RP1: variants seen among roughly 807,000 people sequenced by gnomAD.
RP1 encodes the protein oxygen-regulated protein 1.
In RP1, 16 loss-of-function variants were observed where a neutral mutation model predicts 14.8. The observed-to-expected ratio is 1.08, with a 90% CI of 0.73 to 1.65. The LOEUF is 1.65. Ranked by LOEUF, RP1 falls within the 40% of genes most tolerant of loss-of-function variation. The pLI, the probability that RP1 is intolerant of heterozygous loss-of-function variation, is 0.00. For synonymous variants in RP1, 876 were observed against 883.6 expected (o/e 0.99, Z 0.15); for missense variants, 2,631 against 2,535.0 (o/e 1.04, Z -0.81).
At chr8:54,870,718 G>A (rs1334824993) in exon 29 of RP1, 5 of 152,098 alleles carry the variant, frequency 3.3e-5, no homozygotes, top group African/African-American at 7.2e-5. Context: ...TGCCAGCCCC[G>A]GAGAGGTCAG....
At chr8:54,615,404 T>A (rs1392337007), upstream of RP1, among the ~76,000 whole-genome samples, 1 of 152,162 alleles carries the variant, frequency 6.6e-6, no homozygotes, top group Non-Finnish European at 1.5e-5. Context: ...GGAAACCCGA[T>A]TAGGTGAAGC....
intron 25 of RP1, among the ~76,000 whole-genome samples, chr8:54,850,722 GA>G (rs1232974095): frequency 6.6e-6 from 1 of 152,128 alleles, no homozygotes; most frequent in South Asian, 2.1e-4. Flanking sequence ...TAAAGATCAA[GA>G]AAAAAAGTCT....
In RP1 at chr8:54,627,551, C is replaced by A. The variant is rs1337293997; in HGVS notation, c.3669C>A (p.Cys1223Ter). The change falls in exon 4 of 4, where the codon TGC (cysteine) becomes TGA (stop). Residue 1223 changes from cysteine (C) to a stop codon, truncating the protein, a stop_gained. Coordinates refer to ENST00000220676, the MANE Select transcript of RP1 (RefSeq NM_006269.2). LOFTEE classifies it low-confidence loss of function (END_TRUNC). ...TCAACATTCAGAGTGTTCCTAAGTG[C>A]AGTGAAAATGAAAGAACACAAGGAA... ...STVNIQSVPK[C>*]SENERTQGIS... is the part of the protein sequence containing the mutation. 5 of 1,614,126 alleles carry A rather than the reference C, an allele frequency of 3.1e-6. No homozygotes were observed. In the East Asian group the frequency reaches 1.1e-4, roughly 36 times the overall value.
chr8:54,783,649 C>T (rs1810244658), exon 24 of RP1: 2 of 1,231,480 alleles, frequency 1.6e-6, no homozygotes, highest in Non-Finnish European at 2.0e-6. Context: ...TGTTCAGGTC[C>T]TATTATTTTG....
rs760561079 is a variant in RP1, at chr8:54,622,163, C to T, written c.662C>T (p.Ala221Val). 24 of 1,613,956 alleles carry T rather than the reference C, an allele frequency of 1.5e-5. No homozygotes were observed. The highest frequency in any genetic ancestry group is 1.4e-5 in the Non-Finnish European group (17 of 1,180,024). ...ATCCTGAGCTCTGGAGCTGTGGTGG[C>T]GGCAGGAAGGGAGCCATTTAAACCA... ...AVILSSGAVV[A>V]AGREPFKPGN... Residue 221 changes from alanine to valine, a missense_variant, in exon 3 of 4, where the codon GCG becomes GTG. Ala to Val is a moderately conservative substitution (Grantham distance 64). Transcript: ENST00000220676.
rs971459433 is a variant in RP1, at chr8:54,625,448, C to G, written c.1566C>G (p.Asn522Lys). 14 of 1,613,748 alleles carry G rather than the reference C, an allele frequency of 8.7e-6. No individual in the cohort carries two copies. In the East Asian group the frequency reaches 2.9e-4, roughly 33 times the overall value. The change falls in exon 4 of 4, where the codon AAC becomes AAG. Residue 522 changes from asparagine (N) to lysine (K), a missense_variant. Transcript: ENST00000220676. ...SNKPVLVQIN[N>K]NDQMEESSLE... ...AACCAGTACTTGTTCAGATCAATAA[C>G]AATGATCAAATGGAGGAGTCATCAT...
Position 54,627,430 on chromosome 8 carries a change from T to C in RP1, c.3548T>C (p.Val1183Ala), listed in dbSNP as rs1333490046. The change falls in exon 4 of 4, where the codon GTT (valine) becomes GCT (alanine). Residue 1183 changes from valine to alanine, a missense_variant. Coordinates refer to ENST00000220676, the MANE Select transcript of RP1 (RefSeq NM_006269.2). ...TEEADDLKAA[V>A]ANLVESTTSH... ...GAAGCTGATGACTTGAAAGCTGCTG[T>C]TGCCAATTTAGTGGAGTCAACTACA... is the stretch of plus-strand genomic sequence containing the variant. The C allele has an allele frequency of 6.2e-7, 1 of 1,614,220 alleles. No homozygotes were observed. The highest frequency in any genetic ancestry group is 8.5e-7 in the Non-Finnish European group (1 of 1,180,002).
At chr8:54,679,216 G>T (rs1253497482) in intron 9 of RP1, among the ~76,000 whole-genome samples, 1 of 152,150 alleles carries the variant, frequency 6.6e-6, no homozygotes, top group South Asian at 2.1e-4. Flanking sequence ...TTACCAGATA[G>T]TAACTGCTGC....
intron 24 of RP1, among the ~76,000 whole-genome samples, chr8:54,831,419 T>TA (rs59211360): frequency 2.0e-5 from 3 of 149,310 alleles, no homozygotes; most frequent in Admixed American, 2.0e-4. Flanking sequence ...TTTTTTTTTT[T>TA]AACATTCAAT....
intron 28 of RP1, among the ~76,000 whole-genome samples, chr8:54,867,193 A>T (rs2129330389): frequency 6.6e-6 from 1 of 152,216 alleles, no homozygotes; most frequent in South Asian, 2.1e-4. Context: ...GACTGACTGG[A>T]TTTTACCTTA....
At position 54,630,284 on chromosome 8, in the gene RP1, C is replaced by A. The variant is rs755082655; in HGVS notation, c.6402C>A (p.Phe2134Leu). The A allele has an allele frequency of 1.2e-6, 2 of 1,613,464 alleles. No homozygotes were observed. The highest frequency in any genetic ancestry group is 1.7e-5 in the Admixed American group (1 of 59,992). The change falls in exon 4 of 4, where the codon TTC becomes TTA. Residue 2134 changes from phenylalanine (F) to leucine (L), a missense_variant. Coordinates refer to ENST00000220676, the MANE Select transcript of RP1 (RefSeq NM_006269.2). Reference sequence around the variant, plus strand: ...GTATGTTTGAGGGTGAAAATCTTTTCATTTGGGAAGAGGAAGACATATTAA... The same window carrying A: ...GTATGTTTGAGGGTGAAAATCTTTTAATTTGGGAAGAGGAAGACATATTAA... ...ELCMFEGENL[F>L]IWEEEDILNL...
chr8:54,630,419 G>A lies in RP1; in HGVS notation c.*66G>A, dbSNP rs1806222241. 6 of 1,596,006 alleles carry A rather than the reference G, an allele frequency of 3.8e-6. No homozygotes were observed. Among genetic ancestry groups the A allele is most frequent in the African/African-American group, 1.3e-5 (1 of 74,688 alleles). On this transcript the variant is annotated 3_prime_UTR_variant, in exon 4 of 4. Coordinates refer to ENST00000220676, the MANE Select transcript of RP1 (RefSeq NM_006269.2). ...TCCCATGAGATGAAGCACATGTGAC[G>A]AATACGGACTAGATAACCTCTAAGA...
At chr8:54,851,052 T>TGC in intron 25 of RP1, among the ~76,000 whole-genome samples, 1 of 150,242 alleles carries the variant, frequency 6.7e-6, no homozygotes, top group East Asian at 1.9e-4. Flanking sequence ...TACACGTACG[T>TGC]GTGTGTGTGT....
intron 24 of RP1, among the ~76,000 whole-genome samples, chr8:54,817,619 C>A (rs2129395580): frequency 6.6e-6 from 1 of 152,200 alleles, no homozygotes; most frequent in South Asian, 2.1e-4. Context: ...ATATTTATTT[C>A]TATGAGCAAA....
intron 17 of RP1, among the ~76,000 whole-genome samples, chr8:54,733,408 G>A (rs963504076): frequency 2.0e-5 from 3 of 152,092 alleles, no homozygotes; most frequent in African/African-American, 4.8e-5. Context: ...TACTGACAGA[G>A]ATTACTCAGC....
At chr8:54,662,637 C>T (rs935197775) in intron 6 of RP1, among the ~76,000 whole-genome samples, 1 of 152,166 alleles carries the variant, frequency 6.6e-6, no homozygotes, top group Non-Finnish European at 1.5e-5. Context: ...GCCTCCTGAA[C>T]CAGAACTAGA....
chr8:54,855,934 TACACACACACACACACAC>T (rs759603043), intron 26 of RP1, among the ~76,000 whole-genome samples: 11 of 57,786 alleles, frequency 1.9e-4, no homozygotes, highest in African/African-American at 4.9e-4. Context: ...AGACTTACTA[TACACACACACACACACAC>T]ACACACACAC....
chr8:54,831,141 G>C (rs948979285), intron 24 of RP1, among the ~76,000 whole-genome samples: 5 of 151,956 alleles, frequency 3.3e-5, no homozygotes, highest in African/African-American at 1.2e-4. Context: ...CATTTTGGCT[G>C]CATAGACTTT....
intron 17 of RP1, among the ~76,000 whole-genome samples, chr8:54,733,296 GA>G (rs2129355490): frequency 6.6e-6 from 1 of 152,190 alleles, no homozygotes; most frequent in East Asian, 1.9e-4. Context: ...GATTGAATGA[GA>G]AATGCATATG....
Sources: allele counts gnomAD v4.1 joint callset (sites outside exome capture counted in the v4.1 genomes callset), GRCh38; gene constraint gnomAD v4.1.1; transcripts MANE v1.5; gene names NCBI Gene and HGNC (gene_info 2026-07-23, HGNC 2026-07-21).